Variants in WDR11 observed in about 807,000 individuals in gnomAD.
WDR11 encodes WD repeat-containing protein 11.
Under a neutral mutation model 151.2 loss-of-function variants are expected in WDR11, and 83 were observed. That is an observed-to-expected ratio of 0.55 (90% confidence interval 0.46 to 0.66). The LOEUF (loss-of-function observed/expected upper bound fraction) is 0.66, where lower values mean the gene tolerates loss of function less well. Ranked by LOEUF, WDR11 falls within the 30% of genes least tolerant of loss-of-function variation. The pLI is 0.00. For synonymous variants in WDR11, 484 were observed against 533.1 expected, an observed-to-expected ratio of 0.91 and a Z score of 1.27; for missense variants, 1,301 against 1,480.9, an observed-to-expected ratio of 0.88 and a Z score of 1.99.
intron 2 of WDR11, 55 bp downstream of exon 2, chr10:120,852,690 T>C: frequency 7.1e-7 from 1 of 1,400,718 alleles, no homozygotes; most frequent in Non-Finnish European, 1.0e-6. Context: ...AGTTTAATAC[T>C]GTGTATCACT....
At chr10:120,871,386 T>G (rs777594589) in intron 10 of WDR11, 40 bp downstream of exon 10, 1 of 1,587,116 alleles carries the variant, frequency 6.3e-7, no homozygotes, top group East Asian at 2.2e-5. Flanking sequence ...TAACTCACTT[T>G]ATAAGATGTT....
At chr10:120,852,718 T>TAC (rs1376392108) in intron 2 of WDR11, 83 bp downstream of exon 2, 1 of 1,175,510 alleles carries the variant, frequency 8.5e-7, no homozygotes, top group Non-Finnish European at 1.3e-6. Flanking sequence ...CATTAAGTCT[T>TAC]ACGTGTAAGT....
Position 120,906,748 on chromosome 10 carries a change from A to G in WDR11, c.3438-28A>G, listed in dbSNP as rs1296303359. On this transcript the variant is annotated intron_variant, in intron 27 of 28. Coordinates refer to ENST00000263461, the MANE Select transcript of WDR11 (RefSeq NM_018117.12). ...CCACCAGTGATGTAAATCACAAAGC[A>G]TAACTCTTGTTTTGTTCTGTTGAGC... is the stretch of plus-strand genomic sequence containing the variant. 3.7e-6 allele frequency: 6 copies of G among 1,613,984 alleles called. No individual in the cohort carries two copies. In the African/African-American group the frequency reaches 5.3e-5, roughly 14 times the overall value.
At chr10:120,906,369 A>AGG in intron 27 of WDR11, 1 of 1,250,026 alleles carries the variant, frequency 8.0e-7, no homozygotes. Context: ...AGGCATGGTG[A>AGG]GGTGGAGACA....
intron 13 of WDR11, 142 bp from the exon 14 acceptor site, chr10:120,883,638 C>T: frequency 1.5e-6 from 1 of 689,094 alleles, no homozygotes; most frequent in Non-Finnish European, 2.6e-6. Flanking sequence ...GACTGTTAAT[C>T]ATGGTGCTAA....
intron 11 of WDR11, among the ~76,000 whole-genome samples, chr10:120,874,889 C>T (rs1434193162): frequency 6.6e-6 from 1 of 151,776 alleles, no homozygotes; most frequent in African/African-American, 2.4e-5. Context: ...TGGTGGTTTG[C>T]TGCACCTGTC....
chr10:120,867,246 A>G, intron 9 of WDR11, 77 bp downstream of exon 9: 1 of 1,077,888 alleles, frequency 9.3e-7, no homozygotes, highest in Non-Finnish European at 1.4e-6. Context: ...CTCACTTGTA[A>G]TTATTTTAAA....
In WDR11 at chr10:120,905,865, G is replaced by A. The variant is rs199902140; in HGVS notation, c.3292-11G>A. 113 of 1,614,118 alleles carry A rather than the reference G, an allele frequency of 7.0e-5. No homozygotes were observed. Among genetic ancestry groups the A allele is most frequent in the African/African-American group, 3.3e-4 (25 of 75,034 alleles). ...GGATGTTTTTGTTGTTAACACAGGC[G>A]TCTTTCTCAGGTCCGTTTGAATCCT... is the stretch of plus-strand genomic sequence containing the variant. On this transcript the variant is annotated splice_polypyrimidine_tract_variant and intron_variant, in intron 26 of 28. Transcript: ENST00000263461.
intron 19 of WDR11, among the ~76,000 whole-genome samples, chr10:120,896,015 A>G (rs1026276778): frequency 8.5e-5 from 13 of 152,186 alleles, no homozygotes; most frequent in African/African-American, 2.9e-4. Context: ...AATGCACACA[A>G]AGTTATTCAT....
chr10:120,854,473 C>A (rs1845881815), intron 2 of WDR11, among the ~76,000 whole-genome samples: 1 of 152,192 alleles, frequency 6.6e-6, no homozygotes, highest in African/African-American at 2.4e-5. Flanking sequence ...TTTGCACATT[C>A]ATGTGCAAGT....
chr10:120,899,515 G>A (rs1337992818), intron 19 of WDR11, among the ~76,000 whole-genome samples: 1 of 152,156 alleles, frequency 6.6e-6, no homozygotes, highest in African/African-American at 2.4e-5. Context: ...GGGTGTGGTA[G>A]CTCATGCCTA....
At chr10:120,875,909 G>A (rs1054524308) in intron 11 of WDR11, among the ~76,000 whole-genome samples, 1 of 151,426 alleles carries the variant, frequency 6.6e-6, no homozygotes, top group African/African-American at 2.4e-5. Flanking sequence ...AATTCTCAGT[G>A]AACCCTTAGC....
At chr10:120,856,563 A>G (rs372056762) in intron 2 of WDR11, among the ~76,000 whole-genome samples, 18 of 138,244 alleles carry the variant, frequency 1.3e-4, no homozygotes, top group African/African-American at 4.9e-4. Context: ...CAACAGAATA[A>G]GACTCTGTCT....
chr10:120,853,841 T>G (rs1360350150), intron 2 of WDR11, among the ~76,000 whole-genome samples: 1 of 152,162 alleles, frequency 6.6e-6, no homozygotes, highest in Non-Finnish European at 1.5e-5. Flanking sequence ...CCAAGGTTTC[T>G]TTTGGTGTAA....
At chr10:120,906,340 C>A in intron 27 of WDR11, 1 of 1,266,194 alleles carries the variant, frequency 7.9e-7, no homozygotes. Context: ...GCCCAGAGAG[C>A]AGGGGGAGAG....
chr10:120,900,340 G>A (rs923573833), intron 20 of WDR11, among the ~76,000 whole-genome samples: 1 of 152,088 alleles, frequency 6.6e-6, no homozygotes, highest in Non-Finnish European at 1.5e-5. Context: ...GAGCTGTGAG[G>A]GCGTGTATTG....
chr10:120,889,520 A>T, intron 17 of WDR11: 1 of 399,510 alleles, frequency 2.5e-6, no homozygotes, highest in Non-Finnish European at 4.7e-6. Flanking sequence ...GATTACAGGC[A>T]GGAGCCAGCA....
chr10:120,894,336 A>G (rs1847530957), intron 19 of WDR11, among the ~76,000 whole-genome samples: 1 of 152,218 alleles, frequency 6.6e-6, no homozygotes. Context: ...AGATTTCTGC[A>G]CAAACCTTTC....
In WDR11 at chr10:120,890,751, T is replaced by C. The variant is rs1305398401; in HGVS notation, c.2379T>C (p.Asn793=). ...QMVSSLRSGR[N]VTFRILDVDW... ...TGAGCAGTTTAAGAAGTGGCAGAAA[T>C]GTGACCTTTCGTATATTGGATGTGG... is the stretch of plus-strand genomic sequence containing the variant. The change falls in exon 19 of 29, where the codon AAT becomes AAC. Residue 793 remains asparagine, a synonymous_variant. Coordinates refer to ENST00000263461, the MANE Select transcript of WDR11 (RefSeq NM_018117.12). The C allele has an allele frequency of 6.2e-7, 1 of 1,614,156 alleles. No individual in the cohort carries two copies. Among genetic ancestry groups the C allele is most frequent in the South Asian group, 1.1e-5 (1 of 91,084 alleles).
Sources: allele counts gnomAD v4.1 joint callset (sites outside exome capture counted in the v4.1 genomes callset), GRCh38; gene constraint gnomAD v4.1.1; transcripts MANE v1.5; gene names NCBI Gene and HGNC (gene_info 2026-07-23, HGNC 2026-07-21).